The following FRMD6 variants were observed in gnomAD, a reference collection of about 807,000 sequenced individuals.
FRMD6 encodes FERM domain-containing protein 6.
FRMD6 carries 37 observed loss-of-function variants against 73.2 expected under a neutral mutation model. That is an observed-to-expected ratio of 0.51 (90% CI 0.39 to 0.66). The LOEUF (loss-of-function observed/expected upper bound fraction) is 0.66. FRMD6 is among the 30% of genes least tolerant of loss of function. The pLI is 0.00. For missense variants in FRMD6, 714 were observed against 780.5 expected, an observed-to-expected ratio of 0.91 and a Z score of 1.02; for synonymous variants, 273 against 282.2, an observed-to-expected ratio of 0.97 and a Z score of 0.33.
intron 1 of FRMD6, among the ~76,000 whole-genome samples, chr14:51,566,008 CA>C (rs1212687317): frequency 6.6e-6 from 1 of 152,004 alleles, no homozygotes; most frequent in Non-Finnish European, 1.5e-5. Context: ...ACTAAAAATA[CA>C]AAAAAATTAG....
At chr14:51,513,745 C>T (rs759063274) in intron 1 of FRMD6, among the ~76,000 whole-genome samples, 1 of 94,242 alleles carries the variant, frequency 1.1e-5, no homozygotes, top group Admixed American at 1.1e-4. Flanking sequence ...GCTGAAGCCT[C>T]TCTGAAATTC....
the FRMD6 span, among the ~76,000 whole-genome samples, chr14:51,408,581 G>A: frequency 6.6e-6 from 1 of 152,088 alleles, no homozygotes; most frequent in East Asian, 1.9e-4. Flanking sequence ...AGTCATTTTT[G>A]TAGTCTCTTC....
chr14:51,469,618 G>GAAAAAAAAAAAA, the FRMD6 span, among the ~76,000 whole-genome samples: 3 of 96,764 alleles, frequency 3.1e-5, no homozygotes, highest in Non-Finnish European at 4.2e-5. Context: ...ATTTCAAAAA[G>GAAAAAAAAAAAA]AAAAAAAAAA....
intron 7 of FRMD6, among the ~76,000 whole-genome samples, chr14:51,708,672 T>A (rs1249724799): frequency 2.0e-5 from 3 of 152,202 alleles, no homozygotes; most frequent in Admixed American, 6.5e-5. Context: ...GTAATGTTTA[T>A]GGAGTCCTGT....
In FRMD6 at chr14:51,708,193, G is replaced by C. The variant is rs757857317; in HGVS notation, c.674G>C (p.Arg225Pro). ...AHLKYIKEAV[R>P]LDDVAVHYYR... is the part of the protein sequence containing the mutation. ...CTTAAATATATCAAAGAGGCTGTCC[G>C]ACTGGATGACGTCGCTGTTCATTAC... Residue 225 changes from arginine to proline, a missense_variant, in exon 7 of 14, where the codon CGA becomes CCA. Transcript: ENST00000344768. The C allele has an allele frequency of 2.5e-6, 4 of 1,613,040 alleles. No homozygotes were observed. Among genetic ancestry groups the C allele is most frequent in the Admixed American group, 1.7e-5 (1 of 59,910 alleles).
the FRMD6 span, among the ~76,000 whole-genome samples, chr14:51,447,145 T>G: frequency 1.2e-4 from 18 of 152,116 alleles, no homozygotes; most frequent in African/African-American, 3.6e-4. Context: ...TTCCATGGCA[T>G]GGAGTAGAAA....
At chr14:51,645,752 G>C (rs1271436273) in intron 2 of FRMD6, among the ~76,000 whole-genome samples, 2 of 151,924 alleles carry the variant, frequency 1.3e-5, no homozygotes, top group East Asian at 3.9e-4. Context: ...ATTTGGCTTA[G>C]GATATCTTAT....
intron 1 of FRMD6, among the ~76,000 whole-genome samples, chr14:51,517,981 G>A (rs1044977987): frequency 2.0e-5 from 3 of 152,134 alleles, no homozygotes; most frequent in African/African-American, 7.2e-5. Context: ...CTCAGCAAAG[G>A]AGTTCCTCTC....
chr14:51,654,766 T>C (rs1229891426), intron 1 of FRMD6, among the ~76,000 whole-genome samples: 2 of 152,310 alleles, frequency 1.3e-5, no homozygotes, highest in East Asian at 3.9e-4. Context: ...TCACAAATTA[T>C]CCCTTAGGTA....
intron 1 of FRMD6, among the ~76,000 whole-genome samples, chr14:51,569,773 A>G (rs1191714882): frequency 2.0e-5 from 3 of 150,406 alleles, no homozygotes; most frequent in Non-Finnish European, 4.4e-5. Flanking sequence ...AAGAGCTGAG[A>G]TTACAGGCTT....
rs1357578721 is a variant in FRMD6 at position 51,630,744 on chromosome 14, T to G, written c.-146-58947T>G. ...CCTAGGTGCAAAATGAGATCCTGTC[T>G]CTAAAAAAATACATAAATAAATAAG... On this transcript the variant is annotated intron_variant, in intron 2 of 14. Transcript: ENST00000356218. 2.0e-4 allele frequency among the ~76,000 whole-genome samples: 30 copies of G among 152,030 alleles called. 1 individual carries two copies. The highest frequency in any genetic ancestry group is 1.5e-5 in the Non-Finnish European group (1 of 68,004).
chr14:51,477,610 A>G, the FRMD6 span, among the ~76,000 whole-genome samples: 2 of 152,218 alleles, frequency 1.3e-5, no homozygotes, highest in African/African-American at 2.4e-5. Flanking sequence ...AAAAAATTTA[A>G]GTATTATAAA....
rs150041463 is a variant in FRMD6, at chr14:51,696,315, C to T, written c.100-1827C>T. On this transcript the variant is annotated intron_variant, in intron 2 of 13. Transcript: ENST00000344768. ...GATTCTGAAGTCAACAAGATAGAAT[C>T]AGCAGAATTACTGTCCTCCATAATA... Among the ~76,000 whole-genome samples, 122 of 151,368 alleles carry T rather than the reference C, an allele frequency of 8.1e-4. 2 individuals are homozygous for T. In the East Asian group the frequency reaches 0.014, roughly 17 times the overall value.
Position 51,585,152 on chromosome 14 carries a change from C to T in FRMD6, c.-147+14742C>T, listed in dbSNP as rs1033738495. On this transcript the variant is annotated intron_variant, in intron 2 of 14. Transcript: ENST00000356218. The stretch of plus-strand genomic sequence containing the variant: ...TGGAGTTCTTCCTTTCCACCAGGCA[C>T]GCTGTTCCTGTGACTGCTATTTTAA... 1.1e-4 allele frequency among the ~76,000 whole-genome samples: 17 copies of T among 152,112 alleles called. 1 individual carries two copies. The highest frequency in any genetic ancestry group is 3.6e-4 in the African/African-American group (15 of 41,426).
chr14:51,720,425 A>T lies in FRMD6; in HGVS notation c.1360+35A>T, dbSNP rs761498382. 8.8e-6 allele frequency: 14 copies of T among 1,594,008 alleles called. No individual in the cohort carries two copies. In the South Asian group the frequency reaches 1.6e-4, roughly 18 times the overall value. On this transcript the variant is annotated intron_variant, in intron 11 of 13. Transcript: ENST00000344768. Reference sequence around the variant, plus strand: ...CTGTCCCCTCACTGGCTCTCTGTTTAGTCTCCCAGTTTTTTCAAGCATTGG... The same window carrying T: ...CTGTCCCCTCACTGGCTCTCTGTTTTGTCTCCCAGTTTTTTCAAGCATTGG...
intron 1 of FRMD6, among the ~76,000 whole-genome samples, chr14:51,524,863 A>C (rs1210282236): frequency 6.6e-6 from 1 of 152,220 alleles, no homozygotes; most frequent in African/African-American, 2.4e-5. Flanking sequence ...AATTAGGTAC[A>C]GTTCACTATG....
the FRMD6 span, among the ~76,000 whole-genome samples, chr14:51,411,344 C>T: frequency 6.6e-6 from 1 of 151,986 alleles, no homozygotes; most frequent in Non-Finnish European, 1.5e-5. Context: ...GGAATATTCA[C>T]CAAAAAAGCA....
At chr14:51,516,715 C>CTTAT (rs1301174482) in intron 1 of FRMD6, among the ~76,000 whole-genome samples, 5 of 151,990 alleles carry the variant, frequency 3.3e-5, no homozygotes, top group Non-Finnish European at 5.9e-5. Flanking sequence ...TAAAACTCAG[C>CTTAT]TTATTTATTT....
the FRMD6 span, among the ~76,000 whole-genome samples, chr14:51,426,915 CAG>C: frequency 6.6e-6 from 1 of 152,144 alleles, no homozygotes; most frequent in Non-Finnish European, 1.5e-5. Context: ...TTAGAGCTGA[CAG>C]AGCAGAATTT....
Sources: gnomAD v4.1 joint callset for allele counts (sites outside exome capture counted in the v4.1 genomes callset) on GRCh38, gnomAD v4.1.1 for gene constraint, MANE v1.5 for transcripts, NCBI Gene and HGNC (gene_info 2026-07-23, HGNC 2026-07-21) for gene names.